The following ABI1 variants were observed in gnomAD, a reference collection of about 807,000 sequenced individuals.
The protein encoded by ABI1 is Abelson interactor 1.
Under a neutral mutation model 54.6 loss-of-function variants are expected in ABI1, and 14 were observed. The observed-to-expected ratio is 0.26, with a 90% confidence interval of 0.17 to 0.40. ABI1 has a LOEUF of 0.40. Ranked by LOEUF, ABI1 falls within the 10% of genes least tolerant of loss-of-function variation. The probability of loss-of-function intolerance (pLI) is 1.00; values close to 1 mark genes in which losing one functional copy is unlikely to be tolerated. For missense variants in ABI1, 443 were observed against 598.3 expected (o/e 0.74, Z 2.71); for synonymous variants, 194 against 209.3 (o/e 0.93, Z 0.63).
intron 3 of ABI1, among the ~76,000 whole-genome samples, chr10:26,775,879 T>C (rs1841352977): frequency 6.6e-6 from 1 of 152,186 alleles, no homozygotes; most frequent in South Asian, 2.1e-4. Context: ...TGTGTGCACA[T>C]ATACAGGTAT....
intron 3 of ABI1, among the ~76,000 whole-genome samples, chr10:26,774,093 C>G (rs1483326519): frequency 3.3e-5 from 5 of 152,168 alleles, no homozygotes; most frequent in Admixed American, 6.5e-5. Flanking sequence ...CTCATATAAA[C>G]TGGTGTAGTA....
intron 1 of ABI1, among the ~76,000 whole-genome samples, chr10:26,839,487 C>T (rs1263598867): frequency 6.6e-6 from 1 of 151,464 alleles, no homozygotes; most frequent in Admixed American, 6.6e-5. Flanking sequence ...CAGAGCAGGA[C>T]CCTGTCTCAA....
chr10:26,826,425 G>C (rs2048309005), intron 1 of ABI1, among the ~76,000 whole-genome samples: 1 of 152,186 alleles, frequency 6.6e-6, no homozygotes, highest in African/African-American at 2.4e-5. Flanking sequence ...TCTGGTTAAA[G>C]AGCACAAGCA....
intron 2 of ABI1, among the ~76,000 whole-genome samples, chr10:26,795,483 C>T (rs943141790): frequency 1.3e-5 from 2 of 152,018 alleles, no homozygotes; most frequent in Non-Finnish European, 2.9e-5. Context: ...ATGACATGTT[C>T]CTAAATACAG....
chr10:26,859,739 T>C (rs1000993555), intron 1 of ABI1, among the ~76,000 whole-genome samples: 2 of 152,236 alleles, frequency 1.3e-5, no homozygotes, highest in Non-Finnish European at 2.9e-5. Context: ...TGTTCGTTTC[T>C]GTATTTGGAT....
intron 6 of ABI1, among the ~76,000 whole-genome samples, chr10:26,768,248 T>C (rs917243669): frequency 1.3e-5 from 2 of 151,550 alleles, no homozygotes; most frequent in Admixed American, 1.3e-4. Flanking sequence ...AAAAGAGCAT[T>C]TTAAAACATT....
At chr10:26,845,871 A>G (rs2049934869) in intron 1 of ABI1, among the ~76,000 whole-genome samples, 1 of 151,016 alleles carries the variant, frequency 6.6e-6, no homozygotes, top group Admixed American at 6.6e-5. Flanking sequence ...GGACAAGCAC[A>G]GTGGCTCATG....
chr10:26,773,215 CT>C lies in ABI1; in HGVS notation c.463-2127del, dbSNP rs58739177. 2.2e-3 allele frequency among the ~76,000 whole-genome samples: 202 copies of C among 92,278 alleles called. 1 individual carries two copies. Among genetic ancestry groups the C allele is most frequent in the Admixed American group, 3.1e-3 (24 of 7,756 alleles). 60.5% of individuals were successfully genotyped at this position (92,278 alleles called of 152,430 possible). A position where few individuals can be genotyped will look rare whatever the true frequency, so the allele number is the denominator to read the frequency against. On this transcript the variant is annotated intron_variant, in intron 3 of 10. Coordinates refer to ENST00000376140, the MANE Select transcript of ABI1 (RefSeq NM_001012750.3). ...AGGCACTAAATGTCTAATGCTAATT[CT>C]TTTTTTTTTTTTGCTGGCTCTGTTG...
intron 2 of ABI1, among the ~76,000 whole-genome samples, chr10:26,789,480 T>C (rs1305930583): frequency 1.3e-5 from 2 of 152,220 alleles, no homozygotes; most frequent in Non-Finnish European, 2.9e-5. Context: ...TTCCGTTTCC[T>C]GACTAAACAT....
At chr10:26,839,529 T>TA (rs2049329914) in intron 1 of ABI1, among the ~76,000 whole-genome samples, 1 of 151,774 alleles carries the variant, frequency 6.6e-6, no homozygotes, top group Admixed American at 6.6e-5. Flanking sequence ...AAGGTAACTT[T>TA]ACTAGGAAAT....
At chr10:26,767,672 TA>T (rs1474167993) in intron 6 of ABI1, among the ~76,000 whole-genome samples, 1 of 152,204 alleles carries the variant, frequency 6.6e-6, no homozygotes, top group African/African-American at 2.4e-5. Context: ...CTGAAGTGGA[TA>T]CTTTTCTGAA....
At chr10:26,758,345 G>GT (rs201777703) in intron 8 of ABI1, among the ~76,000 whole-genome samples, 410 of 151,720 alleles carry the variant, frequency 2.7e-3, no homozygotes, top group African/African-American at 9.1e-3. Flanking sequence ...TTCTAATTTT[G>GT]TTTTTTTTCC....
intron 1 of ABI1, among the ~76,000 whole-genome samples, chr10:26,852,676 ACAATTTT>A (rs1187602680): frequency 2.6e-5 from 4 of 152,238 alleles, no homozygotes; most frequent in African/African-American, 9.6e-5. Flanking sequence ...TGTACCAAAT[ACAATTTT>A]GTCAAAGAAT....
intron 2 of ABI1, among the ~76,000 whole-genome samples, chr10:26,809,026 T>C (rs1588942749): frequency 6.6e-6 from 1 of 151,988 alleles, no homozygotes; most frequent in African/African-American, 2.4e-5. Context: ...TCCCAGCACT[T>C]TGGGAGGCCG....
intron 1 of ABI1, among the ~76,000 whole-genome samples, chr10:26,855,698 C>T (rs1489619439): frequency 2.0e-5 from 3 of 152,042 alleles, no homozygotes; most frequent in Admixed American, 1.3e-4. Context: ...GGGCCGGGTG[C>T]GGTGGCTCAC....
chr10:26,807,149 AAAG>A (rs1378740337), intron 2 of ABI1, among the ~76,000 whole-genome samples: 3 of 152,192 alleles, frequency 2.0e-5, no homozygotes, highest in African/African-American at 7.2e-5. Context: ...TTAAAAAGAT[AAAG>A]AAGTAGAAAA....
intron 9 of ABI1, among the ~76,000 whole-genome samples, chr10:26,753,450 T>C (rs1199488000): frequency 6.6e-6 from 1 of 152,228 alleles, no homozygotes; most frequent in African/African-American, 2.4e-5. Context: ...ATTAGTTTAA[T>C]GTTTTCACGA....
At chr10:26,800,576 A>C (rs1201604659) in intron 2 of ABI1, among the ~76,000 whole-genome samples, 1 of 152,192 alleles carries the variant, frequency 6.6e-6, no homozygotes, top group African/African-American at 2.4e-5. Flanking sequence ...CTCCAGTTTG[A>C]GACCAGCCTG....
chr10:26,786,475 C>A (rs968858391), intron 2 of ABI1, among the ~76,000 whole-genome samples: 5 of 152,072 alleles, frequency 3.3e-5, no homozygotes, highest in Non-Finnish European at 7.4e-5. Flanking sequence ...CCGCCTCGGC[C>A]TCCTAAAGTG....
Sources: allele counts gnomAD v4.1 joint callset (sites outside exome capture counted in the v4.1 genomes callset), GRCh38; gene constraint gnomAD v4.1.1; transcripts MANE v1.5; gene names NCBI Gene and HGNC (gene_info 2026-07-23, HGNC 2026-07-21).